Variants in SETDB2 observed in about 807,000 individuals in gnomAD.
SETDB2 encodes the protein histone-lysine N-methyltransferase SETDB2.
SETDB2 carries 56 observed loss-of-function variants against 82.5 expected under a neutral mutation model. The observed-to-expected ratio is 0.68, with a 90% CI of 0.55 to 0.85. SETDB2 has a LOEUF of 0.85. SETDB2 is among the 40% of genes least tolerant of loss of function. SETDB2 has a pLI of 0.00. For synonymous variants in SETDB2, 272 were observed against 284.9 expected (o/e 0.95, Z 0.46); for missense variants, 677 against 816.4 (o/e 0.83, Z 2.08).
intron 7 of SETDB2, 67 bp downstream of exon 7, chr13:49,480,402 T>C (rs1958454593): frequency 2.2e-6 from 2 of 912,414 alleles, no homozygotes; most frequent in Admixed American, 5.3e-5. Context: ...TTTATTGTGG[T>C]CCAAAATCTT....
chr13:49,481,364 C>G (rs539620543), intron 8 of SETDB2, among the ~76,000 whole-genome samples: 1 of 151,976 alleles, frequency 6.6e-6, no homozygotes, highest in East Asian at 1.9e-4. Context: ...GGGCCTGTTA[C>G]GTACAAGGCA....
chr13:49,486,612 C>T (rs145157060), intron 11 of SETDB2, among the ~76,000 whole-genome samples: 21 of 152,264 alleles, frequency 1.4e-4, no homozygotes, highest in African/African-American at 3.4e-4. Flanking sequence ...TCTTTGTAGA[C>T]GCCTTTAAAA....
chr13:49,482,183 C>T (rs920368879), intron 8 of SETDB2: 116 of 985,262 alleles, frequency 1.2e-4, no homozygotes, highest in Non-Finnish European at 1.3e-4. Context: ...GATATGTCTC[C>T]GATCTAACAA....
At position 49,476,637 on chromosome 13, in the gene SETDB2, C is replaced by G; in HGVS notation, c.467C>G (p.Pro156Arg). The change falls in exon 6 of 14, where the codon CCA (proline) becomes CGA (arginine). Residue 156 changes from proline (P) to arginine (R), a missense_variant. This residue lies in a region of SETDB2 where 243 missense variants were observed against 237.2 expected (regional missense o/e 1.02). Transcript: ENST00000611815. ...NLKGENPLQL[P>R]IKCHFQRRHA... The stretch of plus-strand genomic sequence containing the variant: ...AAGGGAGAAAACCCTCTGCAGCTGC[C>G]AATCAAATGTCACTTCCAAAGACGA... The G allele has an allele frequency of 6.2e-7, 1 of 1,614,118 alleles. No homozygotes were observed. Among genetic ancestry groups the G allele is most frequent in the Non-Finnish European group, 8.5e-7 (1 of 1,180,026 alleles).
At chr13:49,491,686 G>A (rs1958716442) in intron 13 of SETDB2, 46 bp from the exon 14 acceptor site, 1 of 1,364,958 alleles carries the variant, frequency 7.3e-7, no homozygotes, top group Non-Finnish European at 1.0e-6. Flanking sequence ...TTCATTGGTA[G>A]TTATTTAGGG....
At chr13:49,466,811 C>CTT (rs3039228) in intron 4 of SETDB2, among the ~76,000 whole-genome samples, 63,469 of 116,584 alleles carry the variant, frequency 0.54, 18,004 homozygotes, top group East Asian at 0.63. Flanking sequence ...GCCTGGCTAA[C>CTT]TTTTTTTTTT....
At chr13:49,450,808 A>G (rs1957770262) in intron 1 of SETDB2, among the ~76,000 whole-genome samples, 1 of 151,970 alleles carries the variant, frequency 6.6e-6, no homozygotes, top group Non-Finnish European at 1.5e-5. Context: ...TTGACCTATT[A>G]TTCTACCTCC....
chr13:49,467,906 A>G lies in SETDB2; in HGVS notation c.251A>G (p.Asn84Ser), dbSNP rs776527076. The G allele has an allele frequency of 1.2e-5, 20 of 1,611,606 alleles. No homozygotes were observed. The African/African-American group carries it at 1.5e-4, about 12-fold the overall frequency. ...VTQKEQENKS[N>S]AFPSTSCENS... The stretch of plus-strand genomic sequence containing the variant: ...CAGAAGGAACAGGAAAACAAATCCA[A>G]TGCATTTCCCTCTACATCATGTGAA... Residue 84 changes from asparagine (N) to serine (S), a missense_variant, in exon 5 of 14, where the codon AAT becomes AGT. Transcript: ENST00000611815.
At position 49,476,890 on chromosome 13, in the gene SETDB2, A is replaced by G. The variant is rs1333538700; in HGVS notation, c.720A>G (p.Ser240=). ...SDVDISNGVE[S]VPISFCNEID... ...TGGATATTAGCAATGGAGTGGAATC[A>G]GTGCCCATTTCTTTCTGTAATGAAA... The change falls in exon 6 of 14, where the codon TCA becomes TCG. Residue 240 remains serine, a synonymous_variant. Coordinates refer to ENST00000611815, the MANE Select transcript of SETDB2 (RefSeq NM_001160308.3). 1.2e-6 allele frequency: 2 copies of G among 1,614,204 alleles called. No individual in the cohort carries two copies. Among genetic ancestry groups the G allele is most frequent in the African/African-American group, 1.3e-5 (1 of 75,056 alleles).
chr13:49,446,614 A>G (rs1957695490), intron 1 of SETDB2, among the ~76,000 whole-genome samples: 1 of 152,196 alleles, frequency 6.6e-6, no homozygotes, highest in Admixed American at 6.5e-5. Context: ...TGTTATTTAT[A>G]GCTCATTATG....
chr13:49,460,952 T>C, intron 3 of SETDB2, 145 bp from the exon 4 acceptor site: 1 of 518,398 alleles, frequency 1.9e-6, no homozygotes, highest in Admixed American at 3.3e-5. Context: ...GAGCCTCAGT[T>C]TCTTTTGTCT....
At chr13:49,463,889 G>A in intron 4 of SETDB2, 1 of 641,728 alleles carries the variant, frequency 1.6e-6, no homozygotes, top group Non-Finnish European at 2.8e-6. Context: ...TGGCTTCTTA[G>A]ATAGTATTAA....
intron 4 of SETDB2, among the ~76,000 whole-genome samples, chr13:49,464,854 G>A (rs987767844): frequency 6.6e-6 from 1 of 151,996 alleles, no homozygotes; most frequent in Non-Finnish European, 1.5e-5. Context: ...CTGAGCCCAG[G>A]AGTTTGAGAC....
chr13:49,450,488 C>G (rs996443695), intron 1 of SETDB2, among the ~76,000 whole-genome samples: 3 of 152,090 alleles, frequency 2.0e-5, no homozygotes, highest in African/African-American at 4.8e-5. Context: ...AGCTCAGTCT[C>G]TTTCATAGTG....
chr13:49,477,081 G>GT (rs1958380922), intron 6 of SETDB2, 42 bp downstream of exon 6: 1 of 1,481,640 alleles, frequency 6.7e-7, no homozygotes, highest in Non-Finnish European at 9.0e-7. Context: ...TCTTCTGAAT[G>GT]TAAGGACGCT....
intron 1 of SETDB2, among the ~76,000 whole-genome samples, chr13:49,450,972 AATT>A (rs929884525): frequency 9.3e-5 from 11 of 118,686 alleles, no homozygotes; most frequent in African/African-American, 3.5e-4. Flanking sequence ...ATTAAAATTT[AATT>A]ATTAAAATAT....
At chr13:49,477,203 G>A (rs1403969072) in intron 6 of SETDB2, among the ~76,000 whole-genome samples, 164 bp downstream of exon 6, 10 of 152,202 alleles carry the variant, frequency 6.6e-5, no homozygotes, top group Non-Finnish European at 1.5e-4. Context: ...TTGGGAGACC[G>A]AGTGGGAGGC....
chr13:49,494,508 G>C lies in SETDB2; in HGVS notation c.*2659G>C, dbSNP rs937777013. On this transcript the variant is annotated 3_prime_UTR_variant, in exon 14 of 14. Transcript: ENST00000611815. ...AAGCTTACTATAAGCTGAGAGTGTGGTAAAGGGCTCTTTGTTTTACTATGA... is the reference window on the plus strand; with the variant it reads ...AAGCTTACTATAAGCTGAGAGTGTGCTAAAGGGCTCTTTGTTTTACTATGA... 2.6e-5 allele frequency: 4 copies of C among 152,274 alleles called. No homozygotes were observed. Among genetic ancestry groups the C allele is most frequent in the Non-Finnish European group, 5.9e-5 (4 of 68,022 alleles). The allele number at this position is 152,274 out of a possible 1,614,324, so 9.4% of individuals were successfully genotyped here. A position where few individuals can be genotyped will look rare whatever the true frequency, so the allele number is the denominator to read the frequency against.
At chr13:49,489,747 C>T (rs1958668893) in intron 12 of SETDB2, among the ~76,000 whole-genome samples, 1 of 150,692 alleles carries the variant, frequency 6.6e-6, no homozygotes, top group African/African-American at 2.4e-5. Context: ...AGGTGTGCAC[C>T]ACCATGCCTG....
Sources: allele counts gnomAD v4.1 joint callset (sites outside exome capture counted in the v4.1 genomes callset), GRCh38; gene constraint gnomAD v4.1.1; regional missense constraint gnomAD v4.1.1; transcripts MANE v1.5; gene names NCBI Gene and HGNC (gene_info 2026-07-23, HGNC 2026-07-21).